The following SYDE1 variants were observed in gnomAD, a reference collection of about 807,000 sequenced individuals.
SYDE1 encodes synapse defective Rho GTPase activating protein 1, also known as rho GTPase-activating protein SYDE1.
SYDE1 carries 34 observed loss-of-function variants against 63.3 expected under a neutral mutation model. The ratio of observed to expected loss-of-function variants is 0.54; its 90% CI spans 0.41 to 0.71. The LOEUF is 0.71. Ranked by LOEUF, SYDE1 falls within the 30% of genes least tolerant of loss-of-function variation. The pLI is 0.00. For synonymous variants in SYDE1, 467 were observed against 473.4 expected, an observed-to-expected ratio of 0.99 and a Z score of 0.18; for missense variants, 925 against 1,042.5, an observed-to-expected ratio of 0.89 and a Z score of 1.55.
chr19:15,111,161 G>A lies in SYDE1; in HGVS notation c.1291-152G>A, dbSNP rs543585545. 5.7e-4 allele frequency: 438 copies of A among 768,238 alleles called. 3 individuals carry two copies. The South Asian group carries it at 7.2e-3, about 13-fold the overall frequency. 47.6% of individuals were successfully genotyped at this position (768,238 alleles called of 1,614,324 possible). On this transcript the variant is annotated intron_variant, in intron 4 of 7. Transcript: ENST00000342784. The surrounding 1 kb of genome is among the most constrained non-coding windows in gnomAD (Gnocchi z 5.5). ...GCCAAGACAAGTAGTCCAAGCAGAG[G>A]GTTTACAAGGCCAGGTTGTCAAGGT...
At position 15,111,740 on chromosome 19, in the gene SYDE1, C is replaced by T. The variant is rs748288079; in HGVS notation, c.1526C>T (p.Pro509Leu). Residue 509 changes from proline (P) to leucine (L), a missense_variant, in exon 6 of 8, where the codon CCC becomes CTC. Physicochemically the swap from Pro to Leu is moderately conservative, Grantham distance 98 (BLOSUM62 -3). Coordinates refer to ENST00000342784, the MANE Select transcript of SYDE1 (RefSeq NM_033025.6). The surrounding 1 kb of genome is among the most constrained non-coding windows in gnomAD (Gnocchi z 5.5). ...CGGGACCCCCCAAACAGAGTTCCCC[C>T]CACCACTGAGGGCACCCGAGGGCTC... ...MARDPPNRVP[P>L]TTEGTRGLLS... 13 of 1,609,594 alleles carry T rather than the reference C, an allele frequency of 8.1e-6. No homozygotes were observed. Among genetic ancestry groups the T allele is most frequent in the African/African-American group, 1.3e-5 (1 of 74,864 alleles).
In SYDE1 at chr19:15,109,949, A is replaced by G. The variant is rs1183784323; in HGVS notation, c.676A>G (p.Arg226Gly). Residue 226 changes from arginine to glycine, a missense_variant, in exon 3 of 8, where the codon AGG becomes GGG. By Grantham distance (125) the Arg-to-Gly change is moderately radical. Around this residue, in one of 3 missense-constraint regions of SYDE1, gnomAD observed 599 missense variants for 653.7 expected, o/e 0.92. Transcript: ENST00000342784. The surrounding 1 kb of genome is among the most constrained non-coding windows in gnomAD (Gnocchi z 5.0). ...AAGPGGTRSP[R>G]AGYLSDGDSP... ...AGGGCCTGGGGGCACCCGGAGCCCG[A>G]GGGCCGGTTACCTCAGCGACGGGGA... The G allele has an allele frequency of 6.8e-7, 1 of 1,465,010 alleles. No homozygotes were observed. The allele number at this position is 1,465,010 out of a possible 1,614,324, so 90.8% of individuals were successfully genotyped here.
rs1372301962 is a variant in SYDE1, at chr19:15,114,042, A to C, written c.*79A>C. The C allele has an allele frequency of 1.4e-6, 2 of 1,431,100 alleles. No homozygotes were observed. Among genetic ancestry groups the C allele is most frequent in the African/African-American group, 2.8e-5 (2 of 70,484 alleles). The allele number at this position is 1,431,100 out of a possible 1,614,324, so 88.7% of individuals were successfully genotyped here. A position where few individuals can be genotyped will look rare whatever the true frequency, so the allele number is the denominator to read the frequency against. On this transcript the variant is annotated 3_prime_UTR_variant, in exon 8 of 8. Coordinates refer to ENST00000342784, the MANE Select transcript of SYDE1 (RefSeq NM_033025.6). The stretch of plus-strand genomic sequence containing the variant: ...AGGCGGTGCCCTGGTGACCAAGGAG[A>C]GCCAGACCTGTTGCTCAGGCCGAGC...
At position 15,112,526 on chromosome 19, in the gene SYDE1, A is replaced by G; in HGVS notation, c.1759A>G (p.Lys587Glu). The G allele has an allele frequency of 1.9e-6, 3 of 1,604,698 alleles. No individual in the cohort carries two copies. The highest frequency in any genetic ancestry group is 2.6e-6 in the Non-Finnish European group (3 of 1,175,770). The change falls in exon 7 of 8, where the codon AAG becomes GAG. Residue 587 changes from lysine (K) to glutamate (E), a missense_variant. Physicochemically the swap from Lys to Glu is moderately conservative, Grantham distance 56 (BLOSUM62 1). Around this residue, in one of 3 missense-constraint regions of SYDE1, gnomAD observed 255 missense variants for 255.9 expected, o/e 1.00. Coordinates refer to ENST00000342784, the MANE Select transcript of SYDE1 (RefSeq NM_033025.6). ...GPGLASAVDF[K>E]HHIEVLHYLL... Reference sequence around the variant, plus strand: ...AGGCCTTGCCAGTGCAGTGGACTTCAAGCACCACATCGAGGTGCTGCACTA... The same window carrying G: ...AGGCCTTGCCAGTGCAGTGGACTTCGAGCACCACATCGAGGTGCTGCACTA...
Position 15,113,982 on chromosome 19 carries a change from A to G in SYDE1, c.*19A>G, listed in dbSNP as rs1460270805. ...CCTCTGAGCCAGATGACGGGGTGGG[A>G]CCCCGGTTAGTAAGGACCGGGCGCC... is the stretch of plus-strand genomic sequence containing the variant. On this transcript the variant is annotated 3_prime_UTR_variant, in exon 8 of 8. Coordinates refer to ENST00000342784, the MANE Select transcript of SYDE1 (RefSeq NM_033025.6). The G allele has an allele frequency of 3.1e-6, 5 of 1,601,444 alleles. No homozygotes were observed. Among genetic ancestry groups the G allele is most frequent in the Non-Finnish European group, 4.3e-6 (5 of 1,172,210 alleles).
In SYDE1 at chr19:15,109,961, C is replaced by G. The variant is rs1274962407; in HGVS notation, c.688C>G (p.Leu230Val). The G allele has an allele frequency of 6.8e-7, 1 of 1,475,546 alleles. No individual in the cohort carries two copies. The allele number at this position is 1,475,546 out of a possible 1,614,324, so 91.4% of individuals were successfully genotyped here. A position where few individuals can be genotyped will look rare whatever the true frequency, so the allele number is the denominator to read the frequency against. ...CACCCGGAGCCCGAGGGCCGGTTAC[C>G]TCAGCGACGGGGACTCACCGGAGCG... ...GGTRSPRAGY[L>V]SDGDSPERPA... The change falls in exon 3 of 8, where the codon CTC becomes GTC. Residue 230 changes from leucine to valine, a missense_variant. This residue lies in a region of SYDE1 where 599 missense variants were observed against 653.7 expected (regional missense o/e 0.92). Transcript: ENST00000342784. This position sits in a 1 kb window ranked among gnomAD's most constrained non-coding sequence, Gnocchi z 5.0.
Position 15,111,404 on chromosome 19 carries a change from C to G in SYDE1, c.1382C>G (p.Ser461Cys). The G allele has an allele frequency of 6.2e-7, 1 of 1,614,146 alleles. No homozygotes were observed. The highest frequency in any genetic ancestry group is 8.5e-7 in the Non-Finnish European group (1 of 1,179,994). ...CGGGACAGTGCAGCGGTCTGCCTAT[C>G]TGAGGACCTGTACCCCGATATCAAT... ...FERDSAAVCL[S>C]EDLYPDINVI... The change falls in exon 5 of 8, where the codon TCT becomes TGT. Residue 461 changes from serine (S) to cysteine (C), a missense_variant. Around this residue, in one of 3 missense-constraint regions of SYDE1, gnomAD observed 71 missense variants for 132.8 expected, o/e 0.53. Coordinates refer to ENST00000342784, the MANE Select transcript of SYDE1 (RefSeq NM_033025.6). The surrounding 1 kb of genome is among the most constrained non-coding windows in gnomAD (Gnocchi z 5.5).
rs1268865184 is a variant in SYDE1 at position 15,113,745 on chromosome 19, C to T, written c.1990C>T (p.Pro664Ser). ...DWSVCGRDFL[P>S]CGRDFLSGPD... is the part of the protein sequence containing the mutation. ...GAGCGTTTGCGGGCGGGACTTCCTG[C>T]CCTGTGGGCGGGATTTCCTGTCCGG... The change falls in exon 8 of 8, where the codon CCC (proline) becomes TCC (serine). Residue 664 changes from proline to serine, a missense_variant. Pro to Ser is a moderately conservative substitution (Grantham distance 74, BLOSUM62 -1). Coordinates refer to ENST00000342784, the MANE Select transcript of SYDE1 (RefSeq NM_033025.6). 14 of 1,613,712 alleles carry T rather than the reference C, an allele frequency of 8.7e-6. No individual in the cohort carries two copies. The East Asian group carries it at 2.2e-4, about 26-fold the overall frequency.
chr19:15,111,934 T>C lies in SYDE1; in HGVS notation c.1578+142T>C. ...GAAATAGGTGCTATTAGCATCCCAC[T>C]TCATAGATTTGGAAACTGAGGCCCA... On this transcript the variant is annotated intron_variant, in intron 6 of 7. Transcript: ENST00000342784. This position sits in a 1 kb window ranked among gnomAD's most constrained non-coding sequence, Gnocchi z 5.5. The C allele has an allele frequency of 1.1e-6, 1 of 892,740 alleles. No homozygotes were observed. The highest frequency in any genetic ancestry group is 1.6e-6 in the Non-Finnish European group (1 of 612,516). The allele number at this position is 892,740 out of a possible 1,614,324, so 55.3% of individuals were successfully genotyped here.
rs753897728 is a variant in SYDE1 at position 15,113,734 on chromosome 19, G to A, written c.1979G>A (p.Arg660Gln). The change falls in exon 8 of 8, where the codon CGG (arginine) becomes CAG (glutamine). Residue 660 changes from arginine to glutamine, a missense_variant. Physicochemically the swap from Arg to Gln is conservative, Grantham distance 43. This residue lies in a region of SYDE1 where 255 missense variants were observed against 255.9 expected (regional missense o/e 1.00). Transcript: ENST00000342784. ...RYAGDWSVCG[R>Q]DFLPCGRDFL... Reference sequence around the variant, plus strand: ...GCCGGCGACTGGAGCGTTTGCGGGCGGGACTTCCTGCCCTGTGGGCGGGAT... The same window carrying A: ...GCCGGCGACTGGAGCGTTTGCGGGCAGGACTTCCTGCCCTGTGGGCGGGAT... 6.2e-7 allele frequency: 1 copy of A among 1,613,634 alleles called. No individual in the cohort carries two copies. Among genetic ancestry groups the A allele is most frequent in the Non-Finnish European group, 8.5e-7 (1 of 1,179,774 alleles).
chr19:15,114,634 C>CCA lies in SYDE1; in HGVS notation c.*672_*673insAC, dbSNP rs1196965186. ...TCTCCTTGCCCCCCCCTTGCCCCCCCCCCCGAAAAAAATTGAGCACTTAAA... is the reference window on the plus strand; with the variant it reads ...TCTCCTTGCCCCCCCCTTGCCCCCCCCACCCCGAAAAAAATTGAGCACTTAAA... On this transcript the variant is annotated 3_prime_UTR_variant, in exon 8 of 8. Coordinates refer to ENST00000342784, the MANE Select transcript of SYDE1 (RefSeq NM_033025.6). 3 of 147,622 alleles carry CCA rather than the reference C, an allele frequency of 2.0e-5. No homozygotes were observed. Among genetic ancestry groups the CCA allele is most frequent in the Non-Finnish European group, 4.5e-5 (3 of 66,454 alleles). The allele number at this position is 147,622 out of a possible 1,614,324, so 9.1% of individuals were successfully genotyped here. A position where few individuals can be genotyped will look rare whatever the true frequency, so the allele number is the denominator to read the frequency against.
Position 15,111,047 on chromosome 19 carries a change from G to A in SYDE1, c.1291-266G>A, listed in dbSNP as rs1346500854. Among the ~76,000 whole-genome samples the A allele has an allele frequency of 2.6e-5, 4 of 152,156 alleles. No homozygotes were observed. The highest frequency in any genetic ancestry group is 3.2e-3 in the Middle Eastern group (1 of 316). On this transcript the variant is annotated intron_variant, in intron 4 of 7. Transcript: ENST00000342784. The surrounding 1 kb of genome is among the most constrained non-coding windows in gnomAD (Gnocchi z 5.5). ...CTGGAGTTGGGGTGGGGTGTACCTA[G>A]GGTCTGGGAGAGCTTAAAACAAAAC...
chr19:15,109,429 G>T lies in SYDE1; in HGVS notation c.430+32G>T. 6.6e-7 allele frequency: 1 copy of T among 1,507,748 alleles called. No homozygotes were observed. Among genetic ancestry groups the T allele is most frequent in the African/African-American group, 1.4e-5 (1 of 71,624 alleles). 93.4% of individuals were successfully genotyped at this position (1,507,748 alleles called of 1,614,324 possible). On this transcript the variant is annotated intron_variant, in intron 2 of 7. Coordinates refer to ENST00000342784, the MANE Select transcript of SYDE1 (RefSeq NM_033025.6). The surrounding 1 kb of genome is among the most constrained non-coding windows in gnomAD (Gnocchi z 5.0). ...ACAAGCTTCCCATCCCCTTCCCCAA[G>T]GTGAGCACCAGCTCCACATCCCTTC...
In SYDE1 at chr19:15,111,102, G is replaced by C. The variant is rs1415708392; in HGVS notation, c.1291-211G>C. 1.3e-5 allele frequency among the ~76,000 whole-genome samples: 2 copies of C among 152,152 alleles called. No homozygotes were observed. The highest frequency in any genetic ancestry group is 4.8e-5 in the African/African-American group (2 of 41,430). ...GGTAGTCATGGAAAGCCTCCTCAAAGAAGTGTCAGTTTCCTAAGTCAAAGG... is the reference window on the plus strand; with the variant it reads ...GGTAGTCATGGAAAGCCTCCTCAAACAAGTGTCAGTTTCCTAAGTCAAAGG... On this transcript the variant is annotated intron_variant, in intron 4 of 7. Transcript: ENST00000342784. The surrounding 1 kb of genome is among the most constrained non-coding windows in gnomAD (Gnocchi z 5.5).
rs1176850670 is a variant in SYDE1, at chr19:15,109,186, G to C, written c.219G>C (p.Leu73=). ...GGAGCCCTGCACGGGGAGCCTACCTGCAAAGCCTGGAGCCCAGTAGCCGCC... is the reference window on the plus strand; with the variant it reads ...GGAGCCCTGCACGGGGAGCCTACCTCCAAAGCCTGGAGCCCAGTAGCCGCC... ...ASRSPARGAY[L]QSLEPSSRRW... is the part of the protein sequence containing the mutation. The change falls in exon 2 of 8, where the codon CTG becomes CTC. Residue 73 remains leucine (L), a synonymous_variant. Transcript: ENST00000342784. This position sits in a 1 kb window ranked among gnomAD's most constrained non-coding sequence, Gnocchi z 5.0. 3 of 1,559,278 alleles carry C rather than the reference G, an allele frequency of 1.9e-6. No individual in the cohort carries two copies. The highest frequency in any genetic ancestry group is 2.6e-6 in the Non-Finnish European group (3 of 1,151,204).
At position 15,111,926 on chromosome 19, in the gene SYDE1, C is replaced by T. The variant is rs376403442; in HGVS notation, c.1578+134C>T. The T allele has an allele frequency of 1.0e-4, 94 of 903,758 alleles. 6 individuals carry two copies. Among genetic ancestry groups the T allele is most frequent in the Admixed American group, 7.5e-4 (23 of 30,554 alleles). 56.0% of individuals were successfully genotyped at this position (903,758 alleles called of 1,614,324 possible). A position where few individuals can be genotyped will look rare whatever the true frequency, so the allele number is the denominator to read the frequency against. On this transcript the variant is annotated intron_variant, in intron 6 of 7. Coordinates refer to ENST00000342784, the MANE Select transcript of SYDE1 (RefSeq NM_033025.6). This position sits in a 1 kb window ranked among gnomAD's most constrained non-coding sequence, Gnocchi z 5.5. ...ATCCCCAAGAAATAGGTGCTATTAG[C>T]ATCCCACTTCATAGATTTGGAAACT...
At position 15,109,929 on chromosome 19, in the gene SYDE1, C is replaced by T. The variant is rs2046332117; in HGVS notation, c.656C>T (p.Pro219Leu). The T allele has an allele frequency of 3.4e-6, 5 of 1,460,956 alleles. No homozygotes were observed. The highest frequency in any genetic ancestry group is 4.7e-4 in the Middle Eastern group (2 of 4,284). The allele number at this position is 1,460,956 out of a possible 1,614,324, so 90.5% of individuals were successfully genotyped here. A position where few individuals can be genotyped will look rare whatever the true frequency, so the allele number is the denominator to read the frequency against. ...SVGGPGPAAG[P>L]GGTRSPRAGY... ...GGGGGCCCCGGGCCGGCAGCAGGGC[C>T]TGGGGGCACCCGGAGCCCGAGGGCC... Residue 219 changes from proline to leucine, a missense_variant, in exon 3 of 8, where the codon CCT (proline) becomes CTT (leucine). Physicochemically the swap from Pro to Leu is moderately conservative, Grantham distance 98 (BLOSUM62 -3). Transcript: ENST00000342784. The surrounding 1 kb of genome is among the most constrained non-coding windows in gnomAD (Gnocchi z 5.0).
intron 1 of SYDE1, 102 bp downstream of exon 1, chr19:15,107,623 G>GC: frequency 1.4e-5 from 9 of 629,922 alleles, no homozygotes; most frequent in Non-Finnish European, 1.9e-5. Context: ...ATCAGGGGGA[G>GC]CCCCCCGCAC....
In SYDE1 at chr19:15,111,564, C is replaced by A. The variant is rs2046346090; in HGVS notation, c.1418-68C>A. On this transcript the variant is annotated intron_variant, in intron 5 of 7. Transcript: ENST00000342784. This position sits in a 1 kb window ranked among gnomAD's most constrained non-coding sequence, Gnocchi z 5.5. Reference sequence around the variant, plus strand: ...TGCTTTCACCCACCTCCTCTTCCCCCTTAGCTGTGCCCTCCTTAGCCTTAG... The same window carrying A: ...TGCTTTCACCCACCTCCTCTTCCCCATTAGCTGTGCCCTCCTTAGCCTTAG... The A allele has an allele frequency of 1.2e-6, 2 of 1,604,672 alleles. No homozygotes were observed. The highest frequency in any genetic ancestry group is 1.7e-5 in the Admixed American group (1 of 59,590).
Sources: gnomAD v4.1 joint callset for allele counts (sites outside exome capture counted in the v4.1 genomes callset) on GRCh38, gnomAD v4.1.1 for gene constraint, gnomAD v4.1.1 regional missense constraint, Gnocchi (gnomAD v3.1) non-coding constraint, MANE v1.5 for transcripts, NCBI Gene and HGNC (gene_info 2026-07-23, HGNC 2026-07-21) for gene names.